The following ZFAT variants were observed in gnomAD, a reference collection of about 807,000 sequenced individuals.
ZFAT encodes zinc finger and AT-hook domain containing, also known as zinc finger protein ZFAT.
A neutral mutation model predicts 117.7 loss-of-function variants in ZFAT; 64 were observed. The ratio of observed to expected loss-of-function variants is 0.54; its 90% confidence interval spans 0.44 to 0.67. The LOEUF is 0.67. Ranked by LOEUF, ZFAT falls within the 30% of genes least tolerant of loss-of-function variation. The pLI is 0.00. For synonymous variants in ZFAT, 679 were observed against 615.0 expected, an observed-to-expected ratio of 1.10 and a Z score of -1.54; for missense variants, 1,433 against 1,584.5, an observed-to-expected ratio of 0.90 and a Z score of 1.62.
At chr8:134,610,387 T>C (rs1264327727) in intron 4 of ZFAT, 83 bp downstream of exon 4, 1 of 1,432,884 alleles carries the variant, frequency 7.0e-7, no homozygotes, top group Non-Finnish European at 9.4e-7. Flanking sequence ...CTCTGTGTTC[T>C]GACTCAGACT....
rs781589982 is a variant in ZFAT at position 134,610,610 on chromosome 8, T to C, written c.494A>G (p.Asp165Gly). ...LELEKKCKEDDREKASKRPRS... is the reference protein window; with the variant it reads ...LELEKKCKEDGREKASKRPRS... ...TGGTCTTTTCGAGGCTTTTTCCCGA[T>C]CATCTTCCTTACACTTCTTTTCTAG... Residue 165 changes from aspartate (D) to glycine (G), a missense_variant, in exon 4 of 16, where the codon GAT (aspartate) becomes GGT (glycine). Physicochemically the swap from Asp to Gly is moderately conservative, Grantham distance 94. Coordinates refer to ENST00000377838, the MANE Select transcript of ZFAT (RefSeq NM_020863.4). 40 of 1,614,106 alleles carry C rather than the reference T, an allele frequency of 2.5e-5. No homozygotes were observed. In the South Asian group the frequency reaches 4.4e-4, roughly 18 times the overall value.
intron 11 of ZFAT, among the ~76,000 whole-genome samples, chr8:134,541,628 GAAAAAAGGAAA>G (rs1822261098): frequency 6.6e-6 from 1 of 152,098 alleles, no homozygotes. Flanking sequence ...AAGGAAGAAA[GAAAAAAGGAAA>G]GAAAAGGGAG....
At chr8:134,696,566 G>A (rs969334676) in intron 1 of ZFAT, 2 of 986,022 alleles carry the variant, frequency 2.0e-6, no homozygotes, top group African/African-American at 3.5e-5. Flanking sequence ...CTCCCAGGAA[G>A]CCCTACCATC....
At chr8:134,759,128 A>AG in the ZFAT span, among the ~76,000 whole-genome samples, 1 of 152,254 alleles carries the variant, frequency 6.6e-6, no homozygotes, top group Non-Finnish European at 1.5e-5. Flanking sequence ...GACACGAGGC[A>AG]GGACTCATCA....
At chr8:134,810,596 C>T in the ZFAT span, among the ~76,000 whole-genome samples, 1 of 152,140 alleles carries the variant, frequency 6.6e-6, no homozygotes, top group Non-Finnish European at 1.5e-5. Context: ...CCTTCAAATC[C>T]TTGTCCTTCC....
the ZFAT span, among the ~76,000 whole-genome samples, chr8:134,807,435 C>T: frequency 7.3e-6 from 1 of 136,222 alleles, no homozygotes; most frequent in African/African-American, 3.0e-5. Flanking sequence ...GATAAATATT[C>T]TGGAAAAAAA....
At chr8:134,761,528 C>A in the ZFAT span, among the ~76,000 whole-genome samples, 1 of 150,894 alleles carries the variant, frequency 6.6e-6, no homozygotes, top group Non-Finnish European at 1.5e-5. Flanking sequence ...GGTGAAACCC[C>A]GTCTCTACTA....
chr8:134,580,307 C>G (rs114263049), intron 10 of ZFAT, among the ~76,000 whole-genome samples: 7 of 152,156 alleles, frequency 4.6e-5, no homozygotes, highest in Non-Finnish European at 8.8e-5. Context: ...TTACTCATAC[C>G]ACAAATACAA....
chr8:134,596,470 C>T (rs1354488277), intron 7 of ZFAT, among the ~76,000 whole-genome samples: 1 of 152,154 alleles, frequency 6.6e-6, no homozygotes, highest in Non-Finnish European at 1.5e-5. Flanking sequence ...TTCTTAGATG[C>T]TTCAGAATTT....
chr8:134,711,784 C>T (rs1303404551), intron 1 of ZFAT, among the ~76,000 whole-genome samples: 1 of 152,188 alleles, frequency 6.6e-6, no homozygotes, highest in Admixed American at 6.5e-5. Context: ...CTGCTCTTTA[C>T]CCCTGCCTGG....
At chr8:134,609,181 T>C (rs1586809896) in intron 4 of ZFAT, among the ~76,000 whole-genome samples, 1 of 151,930 alleles carries the variant, frequency 6.6e-6, no homozygotes, top group Non-Finnish European at 1.5e-5. Flanking sequence ...TACATATATA[T>C]GTATATACAT....
At chr8:134,714,292 T>G (rs4595088), upstream of ZFAT, among the ~76,000 whole-genome samples, 1 of 152,102 alleles carries the variant, frequency 6.6e-6, no homozygotes, top group Non-Finnish European at 1.5e-5. Context: ...TCACACTTCA[T>G]GTTCCCACAG....
chr8:134,779,682 C>T, the ZFAT span, among the ~76,000 whole-genome samples: 2 of 152,148 alleles, frequency 1.3e-5, no homozygotes, highest in Admixed American at 6.5e-5. Context: ...AAGTATCTAT[C>T]TTAAAAACCT....
intron 7 of ZFAT, among the ~76,000 whole-genome samples, chr8:134,591,756 G>C (rs1586768978): frequency 6.6e-6 from 1 of 152,148 alleles, no homozygotes; most frequent in African/African-American, 2.4e-5. Context: ...CCAGAGCAAT[G>C]CAACTGCCAG....
the ZFAT span, among the ~76,000 whole-genome samples, chr8:134,818,078 T>C: frequency 2.5e-4 from 38 of 152,154 alleles, no homozygotes; most frequent in South Asian, 7.9e-3. Flanking sequence ...TGACCTTGAA[T>C]TACGCAAAAA....
intron 10 of ZFAT, among the ~76,000 whole-genome samples, chr8:134,576,079 C>A (rs1204390361): frequency 1.3e-5 from 2 of 152,206 alleles, no homozygotes; most frequent in African/African-American, 4.8e-5. Context: ...GGACAGAGCA[C>A]AGCACCAGGG....
intron 3 of ZFAT, among the ~76,000 whole-genome samples, chr8:134,632,158 TCTC>T (rs1304302589): frequency 1.3e-5 from 2 of 152,180 alleles, no homozygotes; most frequent in Admixed American, 6.5e-5. Flanking sequence ...CCCTCCTCTT[TCTC>T]CTCAGCCTAC....
intron 15 of ZFAT, among the ~76,000 whole-genome samples, chr8:134,479,351 G>C (rs1817127073): frequency 6.6e-6 from 1 of 152,224 alleles, no homozygotes; most frequent in Admixed American, 6.5e-5. Flanking sequence ...GGACAGGAGA[G>C]CCTTCTGGGT....
chr8:134,545,403 C>A (rs898888140), intron 11 of ZFAT, among the ~76,000 whole-genome samples: 3 of 151,932 alleles, frequency 2.0e-5, no homozygotes, highest in African/African-American at 4.8e-5. Context: ...CCTGGTAGTC[C>A]CAGCTAGTCC....
Sources: allele counts gnomAD v4.1 joint callset (sites outside exome capture counted in the v4.1 genomes callset), GRCh38; gene constraint gnomAD v4.1.1; transcripts MANE v1.5; gene names NCBI Gene and HGNC (gene_info 2026-07-23, HGNC 2026-07-21).